The following TMCO4 variants were observed in gnomAD, a reference collection of about 807,000 sequenced individuals.
TMCO4 encodes the protein transmembrane and coiled-coil domain-containing protein 4.
A neutral mutation model predicts 64.7 loss-of-function variants in TMCO4; 58 were observed. The ratio of observed to expected loss-of-function variants is 0.90; its 90% CI spans 0.73 to 1.12. The LOEUF (loss-of-function observed/expected upper bound fraction) is 1.12, where lower values mean the gene tolerates loss of function less well. TMCO4 is among the 50% of genes most tolerant of loss of function. TMCO4 has a pLI of 0.00. For missense variants in TMCO4, 780 were observed against 825.9 expected (o/e 0.94, Z 0.68); for synonymous variants, 325 against 346.1 (o/e 0.94, Z 0.68).
intron 2 of TMCO4, among the ~76,000 whole-genome samples, chr1:19,789,580 C>T (rs2043923994): frequency 6.6e-6 from 1 of 152,088 alleles, no homozygotes; most frequent in South Asian, 2.1e-4. Context: ...CGGTCATGAG[C>T]TTATTGGTGC....
intron 7 of TMCO4, among the ~76,000 whole-genome samples, chr1:19,749,524 C>A: frequency 1.3e-5 from 2 of 152,208 alleles, no homozygotes; most frequent in Middle Eastern, 3.4e-3. Flanking sequence ...TGCACCACCA[C>A]GCTTGGGTAA....
intron 2 of TMCO4, among the ~76,000 whole-genome samples, chr1:19,794,511 T>C (rs2044207318): frequency 1.3e-5 from 2 of 152,308 alleles, no homozygotes; most frequent in Middle Eastern, 3.4e-3. Flanking sequence ...AAGTTTGTAA[T>C]AGTCCATTTG....
At chr1:19,779,849 G>T (rs780725670) in intron 4 of TMCO4, among the ~76,000 whole-genome samples, 2 of 152,210 alleles carry the variant, frequency 1.3e-5, no homozygotes, top group Non-Finnish European at 2.9e-5. Context: ...GATGGTATCT[G>T]TCTCATTCAC....
chr1:19,756,682 C>T (rs968153525), intron 6 of TMCO4, among the ~76,000 whole-genome samples: 5 of 151,726 alleles, frequency 3.3e-5, no homozygotes, highest in African/African-American at 1.2e-4. Context: ...AAGTTCTTAC[C>T]CAGAAGAATT....
chr1:19,690,499 C>T (rs1480630713), intron 15 of TMCO4, among the ~76,000 whole-genome samples: 2 of 152,240 alleles, frequency 1.3e-5, no homozygotes, highest in Admixed American at 6.5e-5. Flanking sequence ...ATGGAGCTTG[C>T]TCTTGTGTCG....
chr1:19,781,713 C>A (rs1017630910), intron 3 of TMCO4, among the ~76,000 whole-genome samples: 3 of 148,278 alleles, frequency 2.0e-5, no homozygotes, highest in African/African-American at 7.5e-5. Context: ...GTGGCACGAT[C>A]TTGGCTCACT....
Position 19,771,439 on chromosome 1 carries a change from C to G in TMCO4, c.223G>C (p.Glu75Gln), listed in dbSNP as rs201750579. 39 of 1,614,010 alleles carry G rather than the reference C, an allele frequency of 2.4e-5. No individual in the cohort carries two copies. Among genetic ancestry groups the G allele is most frequent in the Non-Finnish European group, 3.3e-5 (39 of 1,180,024 alleles). ...GTTGGCAAGACAGCTTCAGACAACTCCAGCCACTGCACCAGGCCTGCCATG... is the reference window on the plus strand; with the variant it reads ...GTTGGCAAGACAGCTTCAGACAACTGCAGCCACTGCACCAGGCCTGCCATG... ...EFMAGLVQWL[E>Q]LSEAVLPTMT... The change falls in exon 5 of 16, where the codon GAG becomes CAG. Residue 75 changes from glutamate to glutamine, a missense_variant. Transcript: ENST00000294543.
intron 10 of TMCO4, among the ~76,000 whole-genome samples, chr1:19,744,856 A>C (rs1379834487): frequency 1.3e-5 from 2 of 152,152 alleles, no homozygotes; most frequent in African/African-American, 4.8e-5. Context: ...TCTGTCTTCT[A>C]TCTTGGGCTG....
chr1:19,714,016 A>T (rs2095344125), intron 13 of TMCO4, among the ~76,000 whole-genome samples: 1 of 152,162 alleles, frequency 6.6e-6, no homozygotes, highest in South Asian at 2.1e-4. Flanking sequence ...AGCTCACTGC[A>T]ACTTCTACCT....
intron 6 of TMCO4, among the ~76,000 whole-genome samples, chr1:19,759,641 T>C (rs2100964750): frequency 6.6e-6 from 1 of 152,316 alleles, no homozygotes; most frequent in African/African-American, 2.4e-5. Flanking sequence ...GGGAAGTTCC[T>C]GCCCCAGATC....
chr1:19,735,060 G>A (rs979028541), intron 13 of TMCO4, among the ~76,000 whole-genome samples: 1 of 152,172 alleles, frequency 6.6e-6, no homozygotes, highest in African/African-American at 2.4e-5. Flanking sequence ...TGGGCACTAG[G>A]GGGGCGGCAG....
At chr1:19,747,049 G>T in intron 8 of TMCO4, 114 bp downstream of exon 8, 1 of 1,028,210 alleles carries the variant, frequency 9.7e-7, no homozygotes, top group Admixed American at 1.8e-5. Flanking sequence ...CCTACCACAT[G>T]CCAGGGGCCA....
At chr1:19,777,339 C>A (rs899999601) in intron 4 of TMCO4, among the ~76,000 whole-genome samples, 1 of 145,984 alleles carries the variant, frequency 6.9e-6, no homozygotes, top group Non-Finnish European at 1.5e-5. Context: ...AGAAGCCAAC[C>A]CAAAGGCCTT....
At chr1:19,771,185 T>C (rs2042964094) in intron 5 of TMCO4, 123 bp downstream of exon 5, 2 of 1,021,124 alleles carry the variant, frequency 2.0e-6, no homozygotes, top group Non-Finnish European at 2.9e-6. Context: ...TGATATGATA[T>C]TATGATGACA....
chr1:19,750,780 A>T (rs1337920578), intron 7 of TMCO4, among the ~76,000 whole-genome samples: 1 of 152,180 alleles, frequency 6.6e-6, no homozygotes, highest in Non-Finnish European at 1.5e-5. Flanking sequence ...TCCTGTGACT[A>T]GTTCAACATC....
At chr1:19,708,189 T>G (rs1305375323) in intron 13 of TMCO4, among the ~76,000 whole-genome samples, 2 of 152,046 alleles carry the variant, frequency 1.3e-5, no homozygotes, top group Non-Finnish European at 2.9e-5. Context: ...GCTGAACCAT[T>G]CTGAATGCTT....
chr1:19,755,546 C>T (rs2042207614), intron 7 of TMCO4, 88 bp downstream of exon 7: 4 of 1,563,714 alleles, frequency 2.6e-6, no homozygotes, highest in African/African-American at 2.7e-5. Context: ...TACACCATCT[C>T]TTAAAGGGAG....
intron 4 of TMCO4, among the ~76,000 whole-genome samples, chr1:19,776,639 C>G (rs745687719): frequency 6.6e-6 from 1 of 152,228 alleles, no homozygotes; most frequent in Non-Finnish European, 1.5e-5. Context: ...CAATCACCCT[C>G]TTGGATGGTG....
intron 13 of TMCO4, among the ~76,000 whole-genome samples, chr1:19,710,599 T>G (rs1570713022): frequency 6.6e-6 from 1 of 152,198 alleles, no homozygotes; most frequent in Non-Finnish European, 1.5e-5. Flanking sequence ...CCAAGTAATT[T>G]GTCCAAGATC....
Sources: gnomAD v4.1 joint callset for allele counts (sites outside exome capture counted in the v4.1 genomes callset) on GRCh38, gnomAD v4.1.1 for gene constraint, MANE v1.5 for transcripts, NCBI Gene and HGNC (gene_info 2026-07-23, HGNC 2026-07-21) for gene names.